Variants in HOMER1 observed in about 807,000 individuals in gnomAD.
The protein encoded by HOMER1 is homer scaffold protein 1, also known as homer protein homolog 1.
Under a neutral mutation model 48.9 loss-of-function variants are expected in HOMER1, and 3 were observed. That is an observed-to-expected ratio of 0.06 (90% confidence interval 0.03 to 0.16). HOMER1 has a LOEUF of 0.16. Ranked by LOEUF, HOMER1 falls within the 10% of genes least tolerant of loss-of-function variation. The probability of loss-of-function intolerance (pLI) is 1.00; values close to 1 mark genes in which losing one functional copy is unlikely to be tolerated. For synonymous variants in HOMER1, 134 were observed against 146.4 expected (o/e 0.92, Z 0.61); for missense variants, 247 against 411.4 (o/e 0.60, Z 3.46).
intron 1 of HOMER1, among the ~76,000 whole-genome samples, chr5:79,506,741 G>C (rs958564080): frequency 6.6e-6 from 1 of 152,102 alleles, no homozygotes; most frequent in Non-Finnish European, 1.5e-5. Flanking sequence ...GGAGTCTAAA[G>C]TAGGAGGATT....
intron 5 of HOMER1, among the ~76,000 whole-genome samples, chr5:79,435,359 C>T (rs1750546141): frequency 6.6e-6 from 1 of 152,184 alleles, no homozygotes; most frequent in South Asian, 2.1e-4. Context: ...CAACTCTTAA[C>T]TAATCTGACT....
At chr5:79,425,611 T>C (rs976614939) in intron 5 of HOMER1, among the ~76,000 whole-genome samples, 2 of 152,050 alleles carry the variant, frequency 1.3e-5, no homozygotes, top group African/African-American at 4.8e-5. Flanking sequence ...AACCTAAGAC[T>C]TTCTGACTAT....
At chr5:79,509,813 CT>C (rs1488706155) in intron 1 of HOMER1, among the ~76,000 whole-genome samples, 7 of 152,092 alleles carry the variant, frequency 4.6e-5, no homozygotes, top group African/African-American at 1.7e-4. Flanking sequence ...TAGACTGCCC[CT>C]AGACTTGCAA....
rs541542830 is a variant in HOMER1, at chr5:79,503,659, G to A, written c.5+9111C>T. The stretch of plus-strand genomic sequence containing the variant: ...AGTTCAAGACCAGCCTGGCCAACAT[G>A]GCAAAACCCCGTCTCTATTAAAAAT... On this transcript the variant is annotated intron_variant, in intron 1 of 8. Coordinates refer to ENST00000334082, the MANE Select transcript of HOMER1 (RefSeq NM_004272.5). 2.4e-4 allele frequency among the ~76,000 whole-genome samples: 37 copies of A among 151,308 alleles called. 1 individual carries two copies. In the East Asian group the frequency reaches 6.4e-3, roughly 26 times the overall value.
chr5:79,386,943 T>TCCCTCCC (rs1749126052), intron 8 of HOMER1, among the ~76,000 whole-genome samples: 1 of 68,664 alleles, frequency 1.5e-5, no homozygotes, highest in African/African-American at 6.6e-5. Flanking sequence ...CCTTCCTTCC[T>TCCCTCCC]TCCTTTCCTT....
At chr5:79,460,887 T>C (rs1014696108) in intron 1 of HOMER1, among the ~76,000 whole-genome samples, 1 of 152,256 alleles carries the variant, frequency 6.6e-6, no homozygotes, top group East Asian at 1.9e-4. Context: ...CCTGGGTTTC[T>C]ACTTTGGGTA....
chr5:79,420,394 C>T (rs1361555439), intron 5 of HOMER1, among the ~76,000 whole-genome samples: 1 of 152,136 alleles, frequency 6.6e-6, no homozygotes, highest in Non-Finnish European at 1.5e-5. Flanking sequence ...AGCGCTCCTT[C>T]CCCACTTCAC....
chr5:79,405,308 T>C (rs951447051), intron 5 of HOMER1, among the ~76,000 whole-genome samples: 4 of 152,092 alleles, frequency 2.6e-5, no homozygotes, highest in African/African-American at 9.7e-5. Flanking sequence ...ATCTCAGACT[T>C]CTAGCCTCCA....
At chr5:79,449,562 T>C (rs909987168) in intron 3 of HOMER1, among the ~76,000 whole-genome samples, 1 of 152,246 alleles carries the variant, frequency 6.6e-6, no homozygotes, top group South Asian at 2.1e-4. Context: ...AGCCTCTGCC[T>C]CCTGGGTTCA....
In HOMER1 at chr5:79,513,295, G is replaced by A. The variant is rs1752993560; in HGVS notation, c.-521C>T. ...AAAGCAGTAATGCCACGGCTTCCCT[G>A]CGCTCACATTAGGAAAAAAACTACA... On this transcript the variant is annotated 5_prime_UTR_variant, in exon 1 of 9. Coordinates refer to ENST00000334082, the MANE Select transcript of HOMER1 (RefSeq NM_004272.5). 1 of 155,914 alleles carries A rather than the reference G, an allele frequency of 6.4e-6. No individual in the cohort carries two copies. Among genetic ancestry groups the A allele is most frequent in the East Asian group, 1.9e-4 (1 of 5,202 alleles). The allele number at this position is 155,914 out of a possible 1,614,324, so 9.7% of individuals were successfully genotyped here. A position where few individuals can be genotyped will look rare whatever the true frequency, so the allele number is the denominator to read the frequency against.
chr5:79,502,374 A>C (rs1208653445), intron 1 of HOMER1, among the ~76,000 whole-genome samples: 1 of 151,950 alleles, frequency 6.6e-6, no homozygotes, highest in Non-Finnish European at 1.5e-5. Flanking sequence ...CACTCTTAAA[A>C]CCCAAGAGAA....
At chr5:79,486,904 C>T (rs892669845) in intron 1 of HOMER1, among the ~76,000 whole-genome samples, 2 of 152,176 alleles carry the variant, frequency 1.3e-5, no homozygotes, top group Non-Finnish European at 2.9e-5. Context: ...ATACAGAGAA[C>T]GTATCAGAAG....
intron 4 of HOMER1, among the ~76,000 whole-genome samples, chr5:79,444,924 G>C (rs1750835424): frequency 6.6e-6 from 1 of 152,134 alleles, no homozygotes; most frequent in Non-Finnish European, 1.5e-5. Context: ...AGTTATTCCA[G>C]GTCATTGCAT....
chr5:79,376,308 A>T lies in HOMER1; in HGVS notation c.877-111T>A, dbSNP rs1173649807. The stretch of plus-strand genomic sequence containing the variant: ...TAATCAATGCAGTTTGACTGTCAGG[A>T]TGAGCTGCAGAATCTTAATTTAGCA... On this transcript the variant is annotated intron_variant, in intron 8 of 8. Coordinates refer to ENST00000334082, the MANE Select transcript of HOMER1 (RefSeq NM_004272.5). The T allele has an allele frequency of 1.1e-5, 8 of 746,980 alleles. No homozygotes were observed. In the Admixed American group the frequency reaches 1.9e-4, roughly 18 times the overall value. 46.3% of individuals were successfully genotyped at this position (746,980 alleles called of 1,614,324 possible).
chr5:79,498,506 C>T (rs146763195), intron 1 of HOMER1, among the ~76,000 whole-genome samples: 387 of 152,280 alleles, frequency 2.5e-3, no homozygotes, highest in African/African-American at 8.9e-3. Flanking sequence ...GATCAGGCTT[C>T]AGATGTCTTT....
At chr5:79,481,046 G>C (rs1216108678) in intron 1 of HOMER1, among the ~76,000 whole-genome samples, 5 of 152,166 alleles carry the variant, frequency 3.3e-5, no homozygotes, top group Admixed American at 1.3e-4. Context: ...AATCATTTAT[G>C]ATACAGATCT....
intron 5 of HOMER1, among the ~76,000 whole-genome samples, chr5:79,435,922 C>G (rs547780647): frequency 7.0e-6 from 1 of 142,368 alleles, no homozygotes; most frequent in Non-Finnish European, 1.5e-5. Flanking sequence ...GTCGGGAGAT[C>G]GAGACCATCC....
intron 1 of HOMER1, among the ~76,000 whole-genome samples, chr5:79,506,582 C>T (rs1293069391): frequency 6.6e-6 from 1 of 152,108 alleles, no homozygotes; most frequent in Non-Finnish European, 1.5e-5. Context: ...ATGATTTTGG[C>T]CAGGCGTGAT....
chr5:79,433,622 C>T (rs1398722045), intron 5 of HOMER1, among the ~76,000 whole-genome samples: 2 of 152,046 alleles, frequency 1.3e-5, no homozygotes, highest in Non-Finnish European at 2.9e-5. Context: ...TTTTAGTTTG[C>T]ATTTATTCTG....
Sources: gnomAD v4.1 joint callset for allele counts (sites outside exome capture counted in the v4.1 genomes callset) on GRCh38, gnomAD v4.1.1 for gene constraint, MANE v1.5 for transcripts, NCBI Gene and HGNC (gene_info 2026-07-23, HGNC 2026-07-21) for gene names.